BMAL1: variants seen among roughly 807,000 people sequenced by gnomAD.
BMAL1 encodes basic helix-loop-helix ARNT like 1, also known as basic helix-loop-helix ARNT-like protein 1.
At chr11:13,374,003 C>A in the BMAL1 span, 1 of 1,130,926 alleles carries the variant, frequency 8.8e-7, no homozygotes, top group South Asian at 1.3e-5. Flanking sequence ...ACCTTGCTCT[C>A]ATAGGCTGTA....
the BMAL1 span, among the ~76,000 whole-genome samples, chr11:13,284,174 A>G: frequency 5.6e-5 from 2 of 35,984 alleles, no homozygotes; most frequent in Admixed American, 2.8e-4. Context: ...GTATATATAT[A>G]TATGTGTATA....
chr11:13,338,549 CG>C, the BMAL1 span, among the ~76,000 whole-genome samples: 1 of 152,198 alleles, frequency 6.6e-6, no homozygotes, highest in Non-Finnish European at 1.5e-5. Flanking sequence ...ATCCTTGCCC[CG>C]TAGGTGGGAG....
the BMAL1 span, among the ~76,000 whole-genome samples, chr11:13,385,320 A>AT: frequency 6.6e-6 from 1 of 152,220 alleles, no homozygotes; most frequent in Admixed American, 6.5e-5. Flanking sequence ...TTCTTCAGAA[A>AT]TATCTGTCAC....
chr11:13,376,721 T>C, the BMAL1 span: 1 of 1,613,650 alleles, frequency 6.2e-7, no homozygotes, highest in Non-Finnish European at 8.5e-7. Context: ...TGCTGCCCTC[T>C]GGAGAAGGTA....
chr11:13,329,901 T>TA, the BMAL1 span, among the ~76,000 whole-genome samples: 1 of 152,216 alleles, frequency 6.6e-6, no homozygotes, highest in Non-Finnish European at 1.5e-5. Context: ...GTCATGTCGA[T>TA]AGTTGACCTC....
the BMAL1 span, among the ~76,000 whole-genome samples, chr11:13,323,188 T>C: frequency 3.3e-5 from 5 of 152,050 alleles, no homozygotes; most frequent in Non-Finnish European, 7.4e-5. Flanking sequence ...GGGCAGAGGC[T>C]AGAGCCCTGG....
the BMAL1 span, chr11:13,358,423 T>C: frequency 1.3e-6 from 2 of 1,537,568 alleles, no homozygotes; most frequent in Non-Finnish European, 1.8e-6. Flanking sequence ...GTTTTTCATA[T>C]TGTTGTTCAG....
chr11:13,354,717 GT>G, the BMAL1 span: 1 of 406,782 alleles, frequency 2.5e-6, no homozygotes, highest in Non-Finnish European at 4.5e-6. Context: ...TTAAGGCCAA[GT>G]TCTGTCTTTT....
chr11:13,279,047 G>C, the BMAL1 span, among the ~76,000 whole-genome samples: 10 of 152,272 alleles, frequency 6.6e-5, no homozygotes, highest in East Asian at 1.9e-3. Context: ...TCGCCGGCCG[G>C]TGAGAGACCC....
the BMAL1 span, among the ~76,000 whole-genome samples, chr11:13,338,340 C>A: frequency 6.6e-6 from 1 of 152,098 alleles, no homozygotes; most frequent in African/African-American, 2.4e-5. Flanking sequence ...CTGGGAAGAT[C>A]CCGAGACTCG....
chr11:13,282,179 C>T, the BMAL1 span, among the ~76,000 whole-genome samples: 1 of 152,168 alleles, frequency 6.6e-6, no homozygotes, highest in Non-Finnish European at 1.5e-5. Flanking sequence ...GGTAGTTTAG[C>T]ATACAGACTC....
At chr11:13,349,524 A>G in the BMAL1 span, among the ~76,000 whole-genome samples, 2 of 152,256 alleles carry the variant, frequency 1.3e-5, no homozygotes, top group East Asian at 1.9e-4. Context: ...TCAGGTTTCA[A>G]TGAGTTAATC....
At chr11:13,313,215 G>A in the BMAL1 span, among the ~76,000 whole-genome samples, 2 of 152,168 alleles carry the variant, frequency 1.3e-5, no homozygotes, top group Admixed American at 6.5e-5. Flanking sequence ...GTCGGCTCCC[G>A]GTTCTCCTCC....
At chr11:13,358,525 A>G in the BMAL1 span, 11 of 1,613,356 alleles carry the variant, frequency 6.8e-6, no homozygotes, top group Admixed American at 1.7e-5. Context: ...ATGCAACGCA[A>G]TGTCCAGGAA....
At chr11:13,306,202 C>T in the BMAL1 span, among the ~76,000 whole-genome samples, 20 of 151,704 alleles carry the variant, frequency 1.3e-4, no homozygotes, top group Non-Finnish European at 2.6e-4. Flanking sequence ...GGGCTCCGTT[C>T]TGTAGGTGCA....
the BMAL1 span, chr11:13,376,772 G>GT: frequency 6.3e-7 from 1 of 1,577,138 alleles, no homozygotes; most frequent in Non-Finnish European, 8.7e-7. Flanking sequence ...CCGTGGGAAG[G>GT]TGCTTGTGGT....
chr11:13,377,183 G>A, the BMAL1 span, among the ~76,000 whole-genome samples: 1 of 152,088 alleles, frequency 6.6e-6, no homozygotes, highest in Non-Finnish European at 1.5e-5. Flanking sequence ...CATCCTTCCT[G>A]GGACCATCCC....
At chr11:13,281,289 A>G in the BMAL1 span, among the ~76,000 whole-genome samples, 2 of 151,990 alleles carry the variant, frequency 1.3e-5, no homozygotes, top group Non-Finnish European at 1.5e-5. Context: ...GGCAATTTAC[A>G]TGTGTCTTTA....
the BMAL1 span, chr11:13,355,290 TTAATATG>T: frequency 1.2e-6 from 2 of 1,613,852 alleles, no homozygotes; most frequent in Non-Finnish European, 1.7e-6. Context: ...GATGCTATGA[TTAATATG>T]TAAGTTATCC....
Sources: gnomAD v4.1 joint callset for allele counts (sites outside exome capture counted in the v4.1 genomes callset) on GRCh38, gnomAD v4.1.1 for gene constraint, MANE v1.5 for transcripts, NCBI Gene and HGNC (gene_info 2026-07-23, HGNC 2026-07-21) for gene names.